Variants in FBXL7 observed in about 807,000 individuals in gnomAD.
FBXL7 encodes the protein F-box/LRR-repeat protein 7.
Under a neutral mutation model 38.3 loss-of-function variants are expected in FBXL7, and 12 were observed. The ratio of observed to expected loss-of-function variants is 0.31; its 90% confidence interval spans 0.20 to 0.51. The LOEUF (loss-of-function observed/expected upper bound fraction) is 0.51. Among genes scored for constraint, FBXL7 ranks in the 20% least tolerant of loss-of-function variants. The pLI is 0.98. For synonymous variants in FBXL7, 297 were observed against 300.9 expected, an observed-to-expected ratio of 0.99 and a Z score of 0.13; for missense variants, 567 against 676.4, an observed-to-expected ratio of 0.84 and a Z score of 1.79.
intron 1 of FBXL7, among the ~76,000 whole-genome samples, chr5:15,534,442 T>G (rs1355076196): frequency 1.3e-5 from 2 of 152,220 alleles, no homozygotes; most frequent in Non-Finnish European, 2.9e-5. Context: ...ATTGGCTTCT[T>G]TCACTTAATA....
intron 3 of FBXL7, chr5:15,935,151 G>C (rs758526800): frequency 1.9e-6 from 1 of 534,688 alleles, no homozygotes; most frequent in Non-Finnish European, 3.8e-6. Context: ...TTGGAGGAAT[G>C]AGGTAAAAGA....
intron 2 of FBXL7, among the ~76,000 whole-genome samples, chr5:15,858,505 C>T (rs891095795): frequency 1.3e-5 from 2 of 152,036 alleles, no homozygotes; most frequent in Non-Finnish European, 2.9e-5. Context: ...TCTTTGAGGG[C>T]ATTTATTGTT....
intron 1 of FBXL7, among the ~76,000 whole-genome samples, chr5:15,523,417 G>A (rs1737156992): frequency 6.6e-6 from 1 of 152,082 alleles, no homozygotes; most frequent in South Asian, 2.1e-4. Context: ...AAATTAGCTG[G>A]GTGTGGTGGC....
At chr5:15,546,699 C>G (rs1737906330) in intron 1 of FBXL7, among the ~76,000 whole-genome samples, 1 of 152,206 alleles carries the variant, frequency 6.6e-6, no homozygotes, top group African/African-American at 2.4e-5. Flanking sequence ...TCACTGCACT[C>G]CAGCCTGGGC....
At chr5:15,513,506 C>T (rs1014299013) in intron 1 of FBXL7, among the ~76,000 whole-genome samples, 2 of 152,106 alleles carry the variant, frequency 1.3e-5, no homozygotes, top group African/African-American at 4.8e-5. Flanking sequence ...GGAATGGTTG[C>T]ATTGAAGGAA....
At chr5:15,501,093 C>T (rs1353403971) in intron 1 of FBXL7, among the ~76,000 whole-genome samples, 1 of 152,154 alleles carries the variant, frequency 6.6e-6, no homozygotes, top group Non-Finnish European at 1.5e-5. Context: ...TTTCCCGGGC[C>T]TTTGTGCTCC....
intron 2 of FBXL7, among the ~76,000 whole-genome samples, chr5:15,850,952 A>G (rs994231505): frequency 1.3e-5 from 2 of 152,242 alleles, no homozygotes; most frequent in Admixed American, 6.5e-5. Flanking sequence ...TGTCGCCAGC[A>G]TGTAAGAACT....
At chr5:15,777,486 G>A (rs1486373698) in intron 2 of FBXL7, among the ~76,000 whole-genome samples, 1 of 151,928 alleles carries the variant, frequency 6.6e-6, no homozygotes, top group Non-Finnish European at 1.5e-5. Context: ...GACAATGATG[G>A]AAATCACATT....
intron 2 of FBXL7, among the ~76,000 whole-genome samples, chr5:15,926,360 TATATA>T (rs1162050513): frequency 6.8e-6 from 1 of 148,096 alleles, no homozygotes; most frequent in Non-Finnish European, 1.5e-5. Context: ...ATTTATATAA[TATATA>T]TTATATAATA....
At chr5:15,890,262 GTTTT>G (rs796727732) in intron 2 of FBXL7, among the ~76,000 whole-genome samples, 1 of 151,444 alleles carries the variant, frequency 6.6e-6, no homozygotes, top group African/African-American at 2.4e-5. Context: ...TTGTTTTTTT[GTTTT>G]TTTTAAGACA....
chr5:15,840,486 A>C (rs1481132224), intron 2 of FBXL7, among the ~76,000 whole-genome samples: 1 of 152,192 alleles, frequency 6.6e-6, no homozygotes, highest in Non-Finnish European at 1.5e-5. Flanking sequence ...AATTTATGGA[A>C]TAATTTGGAG....
At chr5:15,750,826 A>G (rs977237761) in intron 2 of FBXL7, among the ~76,000 whole-genome samples, 1 of 152,212 alleles carries the variant, frequency 6.6e-6, no homozygotes, top group Non-Finnish European at 1.5e-5. Context: ...AAAACCAAAA[A>G]TAAAGTTTCT....
At chr5:15,784,511 A>G (rs1404646531) in intron 2 of FBXL7, among the ~76,000 whole-genome samples, 1 of 151,714 alleles carries the variant, frequency 6.6e-6, no homozygotes, top group East Asian at 1.9e-4. Context: ...TCCTGCCCAA[A>G]TCTCACGTTG....
In FBXL7 at chr5:15,621,981, A is replaced by G. The variant is rs527554084; in HGVS notation, c.127+5909A>G. The stretch of plus-strand genomic sequence containing the variant: ...CATTGTGTTACGTGCTAAAAGATGC[A>G]AAGATAAATGAGAAACAGTTATTGT... On this transcript the variant is annotated intron_variant, in intron 2 of 3. Coordinates refer to ENST00000504595, the MANE Select transcript of FBXL7 (RefSeq NM_012304.5). 2.0e-5 allele frequency among the ~76,000 whole-genome samples: 3 copies of G among 152,346 alleles called. No homozygotes were observed. In the East Asian group the frequency reaches 5.8e-4, roughly 29 times the overall value.
At chr5:15,545,660 A>T (rs1737873813) in intron 1 of FBXL7, among the ~76,000 whole-genome samples, 1 of 152,224 alleles carries the variant, frequency 6.6e-6, no homozygotes, top group African/African-American at 2.4e-5. Context: ...ATCTGGCATC[A>T]TAATAGATGT....
chr5:15,774,617 A>C (rs565180626), intron 2 of FBXL7, among the ~76,000 whole-genome samples: 1 of 152,302 alleles, frequency 6.6e-6, no homozygotes, highest in Admixed American at 6.5e-5. Flanking sequence ...TGGTCAGTCC[A>C]TTGTTTTGCT....
chr5:15,658,617 G>A (rs1741956025), intron 2 of FBXL7, among the ~76,000 whole-genome samples: 1 of 152,154 alleles, frequency 6.6e-6, no homozygotes, highest in African/African-American at 2.4e-5. Flanking sequence ...AGCTCCCTGA[G>A]TGAGCAACTC....
chr5:15,501,810 C>A (rs1261480753), intron 1 of FBXL7: 2 of 915,238 alleles, frequency 2.2e-6, no homozygotes, highest in East Asian at 1.2e-4. Context: ...AGAACCTTTT[C>A]TTTAAGTCAT....
chr5:15,613,012 T>C (rs1235605485), intron 1 of FBXL7, among the ~76,000 whole-genome samples: 3 of 152,250 alleles, frequency 2.0e-5, no homozygotes, highest in Non-Finnish European at 2.9e-5. Flanking sequence ...TTTAGTTTTA[T>C]TATTGAATCA....
Sources: allele counts gnomAD v4.1 joint callset (sites outside exome capture counted in the v4.1 genomes callset), GRCh38; gene constraint gnomAD v4.1.1; transcripts MANE v1.5; gene names NCBI Gene and HGNC (gene_info 2026-07-23, HGNC 2026-07-21).